FLACC1: variants seen among roughly 807,000 people sequenced by gnomAD.
The protein encoded by FLACC1 is flagellum-associated coiled-coil domain-containing protein 1.
Under a neutral mutation model 62.8 loss-of-function variants are expected in FLACC1, and 66 were observed. The observed-to-expected ratio is 1.05, with a 90% CI of 0.86 to 1.29. The LOEUF (loss-of-function observed/expected upper bound fraction) is 1.29. FLACC1 is among the 50% of genes most tolerant of loss of function. The pLI, the probability that FLACC1 is intolerant of heterozygous loss-of-function variation, is 0.00. For synonymous variants in FLACC1, 156 were observed against 161.0 expected (o/e 0.97, Z 0.24); for missense variants, 452 against 489.1 (o/e 0.92, Z 0.71).
chr2:201,330,617 C>T (rs938516680), intron 8 of FLACC1, 95 bp from the exon 9 acceptor site: 2 of 1,524,170 alleles, frequency 1.3e-6, no homozygotes, highest in South Asian at 1.2e-5. Context: ...TTCCCCACCC[C>T]AAACTCATCA....
intron 7 of FLACC1, among the ~76,000 whole-genome samples, chr2:201,336,421 T>C (rs1950697437): frequency 6.6e-6 from 1 of 152,226 alleles, no homozygotes; most frequent in African/African-American, 2.4e-5. Flanking sequence ...GATGGGCATC[T>C]AAGTTGATCC....
intron 12 of FLACC1, among the ~76,000 whole-genome samples, chr2:201,291,495 G>A (rs1342907542): frequency 6.6e-6 from 1 of 152,188 alleles, no homozygotes; most frequent in Non-Finnish European, 1.5e-5. Flanking sequence ...CTAACAAACA[G>A]AAAGGATATC....
At chr2:201,344,651 GATGCTGGCTGTGAACCAC>G (rs1283366172) in intron 5 of FLACC1, among the ~76,000 whole-genome samples, 17 of 152,250 alleles carry the variant, frequency 1.1e-4, no homozygotes, top group African/African-American at 3.1e-4. Context: ...CAATAGGATT[GATGCTGGCTGTGAACCAC>G]AGACAAGGAT....
At chr2:201,325,145 C>G (rs955232444) in intron 9 of FLACC1, among the ~76,000 whole-genome samples, 1 of 151,826 alleles carries the variant, frequency 6.6e-6, no homozygotes, top group East Asian at 1.9e-4. Context: ...AAACTAAAAA[C>G]TAAAAAAACC....
chr2:201,358,046 T>C (rs2125631668), upstream of FLACC1, among the ~76,000 whole-genome samples: 1 of 152,352 alleles, frequency 6.6e-6, no homozygotes, highest in South Asian at 2.1e-4. Context: ...TCCTGGTGGG[T>C]CACAACCCCT....
At chr2:201,336,540 C>T (rs182871062) in intron 7 of FLACC1, among the ~76,000 whole-genome samples, 1 of 152,088 alleles carries the variant, frequency 6.6e-6, no homozygotes, top group South Asian at 2.1e-4. Context: ...AATGGGATTG[C>T]TGGGTCAAAT....
At chr2:201,327,428 T>C (rs1254519368) in intron 9 of FLACC1, among the ~76,000 whole-genome samples, 1 of 151,986 alleles carries the variant, frequency 6.6e-6, no homozygotes, top group East Asian at 1.9e-4. Context: ...AAAGGACTAG[T>C]AATCAAAATC....
At chr2:201,333,653 T>G (rs1275357392) in intron 7 of FLACC1, among the ~76,000 whole-genome samples, 3 of 149,800 alleles carry the variant, frequency 2.0e-5, no homozygotes, top group African/African-American at 7.4e-5. Context: ...GAACATGCAG[T>G]GTTTGGTTTT....
intron 9 of FLACC1, among the ~76,000 whole-genome samples, chr2:201,328,939 C>T (rs1950544052): frequency 6.6e-6 from 1 of 151,462 alleles, no homozygotes; most frequent in African/African-American, 2.4e-5. Flanking sequence ...TAAAATGTGC[C>T]CTTGTTCAGT....
intron 12 of FLACC1, 85 bp from the exon 13 acceptor site, chr2:201,289,870 A>G (rs1949692503): frequency 1.2e-6 from 2 of 1,606,996 alleles, no homozygotes; most frequent in East Asian, 2.2e-5. Flanking sequence ...CTATGATGAA[A>G]GGGAGCAACC....
At chr2:201,300,251 A>C (rs763125705) in intron 11 of FLACC1, among the ~76,000 whole-genome samples, 4 of 152,220 alleles carry the variant, frequency 2.6e-5, no homozygotes, top group African/African-American at 9.6e-5. Context: ...CAACAGTCTT[A>C]GCAAATGGCA....
chr2:201,315,820 A>G (rs1396371215), intron 9 of FLACC1, among the ~76,000 whole-genome samples: 1 of 152,198 alleles, frequency 6.6e-6, no homozygotes, highest in Non-Finnish European at 1.5e-5. Flanking sequence ...ACAAGCCTCA[A>G]TAAATTTAAA....
intron 7 of FLACC1, among the ~76,000 whole-genome samples, chr2:201,332,412 C>G (rs945494558): frequency 1.3e-5 from 2 of 152,048 alleles, no homozygotes; most frequent in African/African-American, 4.8e-5. Flanking sequence ...TTATGTCCAA[C>G]CAATTTTTGT....
chr2:201,316,662 T>G (rs1350223105), intron 9 of FLACC1, among the ~76,000 whole-genome samples: 1 of 152,066 alleles, frequency 6.6e-6, no homozygotes, highest in Non-Finnish European at 1.5e-5. Context: ...CTATTAACAC[T>G]ATTCCACAAG....
At chr2:201,351,180 C>T (rs373196358) in intron 2 of FLACC1, 112 bp downstream of exon 2, 12 of 953,258 alleles carry the variant, frequency 1.3e-5, no homozygotes, top group Middle Eastern at 2.3e-4. Context: ...GGCTTTCTGG[C>T]CCACCTGGGA....
chr2:201,312,624 G>A (rs368882141), intron 9 of FLACC1, among the ~76,000 whole-genome samples: 2 of 152,162 alleles, frequency 1.3e-5, no homozygotes, highest in African/African-American at 4.8e-5. Context: ...GCAATCCTAA[G>A]CAAAAAGAAC....
intron 9 of FLACC1, among the ~76,000 whole-genome samples, chr2:201,323,784 C>CAAAAAAAAAAAAAAAAAAAAAAAAA (rs71022362): frequency 5.7e-5 from 3 of 52,758 alleles, no homozygotes; most frequent in South Asian, 1.1e-3. Context: ...CAGACTCTAT[C>CAAAAAAAAAAAAAAAAAAAAAAAAA]AAAAAAAAAA....
chr2:201,325,109 G>A (rs1385346013), intron 9 of FLACC1, among the ~76,000 whole-genome samples: 1 of 152,084 alleles, frequency 6.6e-6, no homozygotes, highest in Non-Finnish European at 1.5e-5. Flanking sequence ...ACTCCAGCCT[G>A]GTTGACAGAG....
chr2:201,361,455 G>A (rs990818891), upstream of FLACC1, among the ~76,000 whole-genome samples: 2 of 152,064 alleles, frequency 1.3e-5, no homozygotes, highest in South Asian at 4.1e-4. Context: ...CCCATTTTTT[G>A]CTTCTTTTAA....
Sources: allele counts gnomAD v4.1 joint callset (sites outside exome capture counted in the v4.1 genomes callset), GRCh38; gene constraint gnomAD v4.1.1; transcripts MANE v1.5; gene names NCBI Gene and HGNC (gene_info 2026-07-23, HGNC 2026-07-21).